The following LRRC72 variants were observed in gnomAD, a reference collection of about 807,000 sequenced individuals.
LRRC72 encodes leucine rich repeat containing 72, also known as leucine-rich repeat-containing protein 72.
A neutral mutation model predicts 35.8 loss-of-function variants in LRRC72; 41 were observed. That is an observed-to-expected ratio of 1.15 (90% confidence interval 0.89 to 1.49). The LOEUF (loss-of-function observed/expected upper bound fraction) is 1.49. LRRC72 is among the 40% of genes most tolerant of loss of function. The pLI is 0.00. For synonymous variants in LRRC72, 118 were observed against 119.2 expected, an observed-to-expected ratio of 0.99 and a Z score of 0.07; for missense variants, 389 against 330.7, an observed-to-expected ratio of 1.18 and a Z score of -1.37.
chr7:16,578,724 C>T (rs943964778), intron 7 of LRRC72, among the ~76,000 whole-genome samples: 2 of 152,028 alleles, frequency 1.3e-5, no homozygotes, highest in East Asian at 1.9e-4. Flanking sequence ...TCACTATTTT[C>T]TTTATTGTTT....
At chr7:16,549,454 G>A (rs903931529) in intron 3 of LRRC72, among the ~76,000 whole-genome samples, 1 of 152,160 alleles carries the variant, frequency 6.6e-6, no homozygotes, top group African/African-American at 2.4e-5. Flanking sequence ...ACTGTTTGTG[G>A]AAAAACAATC....
rs1390466089 is a variant in LRRC72, at chr7:16,526,966, C to G, written c.14C>G (p.Pro5Arg). 1.3e-6 allele frequency: 2 copies of G among 1,539,840 alleles called. No homozygotes were observed. Among genetic ancestry groups the G allele is most frequent in the Non-Finnish European group, 1.7e-6 (2 of 1,146,922 alleles). ...CCATGTGTCCTGATGTCCTGGGACC[C>G]GAACCCCGTGCCCCGTACCTTGCGA... MSWD[P>R]NPVPRTLRCW... Residue 5 changes from proline (P) to arginine (R), a missense_variant, in exon 1 of 9, where the codon CCG becomes CGG. Physicochemically the swap from Pro to Arg is moderately radical, Grantham distance 103. Transcript: ENST00000401542.
chr7:16,547,700 G>A (rs1211692647), intron 3 of LRRC72, among the ~76,000 whole-genome samples: 1 of 152,236 alleles, frequency 6.6e-6, no homozygotes, highest in Non-Finnish European at 1.5e-5. Flanking sequence ...TTGAGGCAAT[G>A]CTGGTATGCC....
At chr7:16,569,972 G>A (rs1320978522) in intron 7 of LRRC72, among the ~76,000 whole-genome samples, 1 of 151,886 alleles carries the variant, frequency 6.6e-6, no homozygotes, top group East Asian at 1.9e-4. Flanking sequence ...GGAGGTTGCA[G>A]CGAGCCGAGA....
chr7:16,566,479 C>A, intron 6 of LRRC72, 77 bp downstream of exon 6: 1 of 798,752 alleles, frequency 1.3e-6, no homozygotes, highest in Non-Finnish European at 1.9e-6. Context: ...CGAAGACTAC[C>A]TTTGAAAATA....
rs558769414 is a variant in LRRC72 at position 16,577,759 on chromosome 7, CAT to C, written c.671-2309_671-2308del. On this transcript the variant is annotated intron_variant, in intron 7 of 8. Coordinates refer to ENST00000401542, the MANE Select transcript of LRRC72 (RefSeq NM_001195280.2). ...AACAAAATAAACGACATGGACAAGA[CAT>C]ATATACAAAGAAAGAAATGTAAATA... 3.3e-5 allele frequency among the ~76,000 whole-genome samples: 5 copies of C among 152,160 alleles called. No individual in the cohort carries two copies. The South Asian group carries it at 1.0e-3, about 32-fold the overall frequency.
chr7:16,537,012 C>T (rs557882408), intron 2 of LRRC72: 2 of 152,310 alleles, frequency 1.3e-5, no homozygotes, highest in East Asian at 3.9e-4. Flanking sequence ...CCACATCTGC[C>T]CCTTTGATGA....
At chr7:16,540,215 G>A (rs1054516994) in intron 3 of LRRC72, among the ~76,000 whole-genome samples, 3 of 152,212 alleles carry the variant, frequency 2.0e-5, no homozygotes, top group African/African-American at 7.2e-5. Context: ...CTGGATGTGA[G>A]ACATGAAGTC....
At chr7:16,534,441 T>C (rs1782218860) in intron 2 of LRRC72, among the ~76,000 whole-genome samples, 1 of 152,148 alleles carries the variant, frequency 6.6e-6, no homozygotes, top group Non-Finnish European at 1.5e-5. Flanking sequence ...AAAAGTTTTT[T>C]AAAAATTAAA....
At chr7:16,532,435 A>G (rs1039735421) in intron 1 of LRRC72, 60 bp from the exon 2 acceptor site, 2 of 1,217,130 alleles carry the variant, frequency 1.6e-6, no homozygotes, top group African/African-American at 1.5e-5. Flanking sequence ...ACTGACTGCA[A>G]GTGCCTCAGC....
In LRRC72 at chr7:16,579,066, G is replaced by A. The variant is rs557603011; in HGVS notation, c.671-1008G>A. On this transcript the variant is annotated intron_variant, in intron 7 of 8. Coordinates refer to ENST00000401542, the MANE Select transcript of LRRC72 (RefSeq NM_001195280.2). The stretch of plus-strand genomic sequence containing the variant: ...TTATATGATGTGACTATAGTTAGCC[G>A]TATTGTATACTTGAAGTTTACTAAG... Among the ~76,000 whole-genome samples, 29 of 152,094 alleles carry A rather than the reference G, an allele frequency of 1.9e-4. No individual in the cohort carries two copies. The East Asian group carries it at 2.5e-3, about 13-fold the overall frequency.
At chr7:16,560,557 G>A (rs1782728525) in intron 5 of LRRC72, among the ~76,000 whole-genome samples, 1 of 152,052 alleles carries the variant, frequency 6.6e-6, no homozygotes, top group East Asian at 1.9e-4. Context: ...CCTGGCCCCT[G>A]TCTGCTGGAA....
intron 5 of LRRC72, 52 bp downstream of exon 5, chr7:16,559,051 G>A (rs1168164441): frequency 4.6e-6 from 5 of 1,089,154 alleles, no homozygotes; most frequent in Non-Finnish European, 6.7e-6. Flanking sequence ...ATTAACATAA[G>A]ACATTTTTCC....
At chr7:16,548,256 C>A (rs1562742553) in intron 3 of LRRC72, among the ~76,000 whole-genome samples, 1 of 152,210 alleles carries the variant, frequency 6.6e-6, no homozygotes, top group Non-Finnish European at 1.5e-5. Flanking sequence ...GTACCTCATT[C>A]TTCCTGGATG....
At position 16,531,632 on chromosome 7, in the gene LRRC72, G is replaced by C. The variant is rs115338681; in HGVS notation, c.91-863G>C. ...ACTCTGATAATTACAATGTTTGTCA[G>C]ATTCCAGGATTGCAAAGATTATACT... On this transcript the variant is annotated intron_variant, in intron 1 of 8. Coordinates refer to ENST00000401542, the MANE Select transcript of LRRC72 (RefSeq NM_001195280.2). 9.3e-3 allele frequency among the ~76,000 whole-genome samples: 1,422 copies of C among 152,284 alleles called. 28 individuals carry two copies. The highest frequency in any genetic ancestry group is 0.032 in the African/African-American group (1,345 of 41,558).
chr7:16,542,920 A>G (rs1287432268), intron 3 of LRRC72, among the ~76,000 whole-genome samples: 2 of 152,100 alleles, frequency 1.3e-5, no homozygotes, highest in Non-Finnish European at 2.9e-5. Context: ...TTTGTTCTTT[A>G]TGAAAGAGAC....
At chr7:16,562,268 C>T (rs1274299082) in intron 5 of LRRC72, among the ~76,000 whole-genome samples, 1 of 152,124 alleles carries the variant, frequency 6.6e-6, no homozygotes, top group African/African-American at 2.4e-5. Context: ...CTCCTCCAAA[C>T]TCTTTCTAAA....
intron 4 of LRRC72, among the ~76,000 whole-genome samples, chr7:16,557,786 A>G (rs372847530): frequency 1.8e-4 from 27 of 152,308 alleles, no homozygotes; most frequent in African/African-American, 6.5e-4. Flanking sequence ...TATTGGCTAT[A>G]TGTTCTACCA....
chr7:16,567,552 T>TTAA lies in LRRC72; in HGVS notation c.670+9_670+10insTAA. 9.2e-7 allele frequency: 1 copy of TTAA among 1,091,610 alleles called. No homozygotes were observed. Among genetic ancestry groups the TTAA allele is most frequent in the Non-Finnish European group, 1.2e-6 (1 of 859,138 alleles). The allele number at this position is 1,091,610 out of a possible 1,614,324, so 67.6% of individuals were successfully genotyped here. Reference sequence around the variant, plus strand: ...CCAGAGAGTACCTTCAGGTATTTCGTAAAAAAAAAAAAAAAAACAAATTTA... The same window carrying TTAA: ...CCAGAGAGTACCTTCAGGTATTTCGTTAAAAAAAAAAAAAAAAAAACAAATTTA... On this transcript the variant is annotated intron_variant, in intron 7 of 8. Coordinates refer to ENST00000401542, the MANE Select transcript of LRRC72 (RefSeq NM_001195280.2).
Sources: allele counts gnomAD v4.1 joint callset (sites outside exome capture counted in the v4.1 genomes callset), GRCh38; gene constraint gnomAD v4.1.1; transcripts MANE v1.5; gene names NCBI Gene and HGNC (gene_info 2026-07-23, HGNC 2026-07-21).